The following SOX6 variants were observed in gnomAD, a reference collection of about 807,000 sequenced individuals.
SOX6 encodes the protein transcription factor SOX-6.
SOX6 carries 11 observed loss-of-function variants against 97.8 expected under a neutral mutation model. That is an observed-to-expected ratio of 0.11 (90% CI 0.07 to 0.19). The LOEUF (loss-of-function observed/expected upper bound fraction) is 0.19, where lower values mean the gene tolerates loss of function less well. Among genes scored for constraint, SOX6 ranks in the 10% least tolerant of loss-of-function variants. The pLI is 1.00. For missense variants in SOX6, 810 were observed against 1,039.5 expected, an observed-to-expected ratio of 0.78 and a Z score of 3.04; for synonymous variants, 360 against 371.4, an observed-to-expected ratio of 0.97 and a Z score of 0.35.
chr11:16,640,953 T>A (rs1848901453), intron 3 of SOX6, among the ~76,000 whole-genome samples: 1 of 152,178 alleles, frequency 6.6e-6, no homozygotes, highest in African/African-American at 2.4e-5. Flanking sequence ...TTCTGCTAGC[T>A]TTTGAATTTG....
intron 13 of SOX6, among the ~76,000 whole-genome samples, chr11:16,006,102 T>A (rs566136754): frequency 6.6e-6 from 1 of 152,040 alleles, no homozygotes; most frequent in Non-Finnish European, 1.5e-5. Context: ...TTATTTCTAG[T>A]ATGCGTTTGA....
intron 3 of SOX6, among the ~76,000 whole-genome samples, chr11:16,665,254 C>A (rs927135033): frequency 3.9e-5 from 6 of 152,036 alleles, no homozygotes; most frequent in African/African-American, 1.4e-4. Context: ...GTCCCCAGTT[C>A]CCAGCCTTTG....
intron 9 of SOX6, among the ~76,000 whole-genome samples, chr11:16,080,704 G>A (rs1052645626): frequency 2.0e-5 from 3 of 152,074 alleles, no homozygotes; most frequent in East Asian, 1.9e-4. Context: ...CTCACAGCAC[G>A]GATGGGAAGA....
chr11:16,626,831 A>G (rs978497119), intron 3 of SOX6, among the ~76,000 whole-genome samples: 1 of 152,024 alleles, frequency 6.6e-6, no homozygotes, highest in African/African-American at 2.4e-5. Flanking sequence ...ATTTTTTCCA[A>G]CTTTTATTTT....
chr11:16,212,092 T>A (rs75463354), intron 4 of SOX6, among the ~76,000 whole-genome samples: 1 of 152,158 alleles, frequency 6.6e-6, no homozygotes, highest in Non-Finnish European at 1.5e-5. Context: ...ACCCATCCTG[T>A]GACAAGAAGT....
chr11:16,569,875 A>AAAAAAAAAAAAAAAAAAAAAAAAAG (rs1847919000), intron 4 of SOX6, among the ~76,000 whole-genome samples: 1 of 151,306 alleles, frequency 6.6e-6, no homozygotes, highest in African/African-American at 2.4e-5. Flanking sequence ...TCTCAAAAAA[A>AAAAAAAAAAAAAAAAAAAAAAAAAG]AAAAAAAAAA....
chr11:16,603,783 G>T (rs1848299335), intron 4 of SOX6, among the ~76,000 whole-genome samples: 1 of 151,920 alleles, frequency 6.6e-6, no homozygotes. Context: ...TTGAACAGCC[G>T]AAAAATAAGA....
intron 6 of SOX6, among the ~76,000 whole-genome samples, chr11:16,135,140 T>C (rs1326910982): frequency 6.6e-6 from 1 of 152,192 alleles, no homozygotes; most frequent in African/African-American, 2.4e-5. Context: ...TTAAGCCTAC[T>C]GTTGAGACCT....
chr11:16,229,628 T>A (rs1230654141), intron 4 of SOX6, among the ~76,000 whole-genome samples: 3 of 151,928 alleles, frequency 2.0e-5, no homozygotes, highest in African/African-American at 2.4e-5. Flanking sequence ...AAATAAAATA[T>A]GTATATGAAG....
intron 3 of SOX6, among the ~76,000 whole-genome samples, chr11:16,704,532 T>C (rs960813578): frequency 3.9e-5 from 6 of 152,182 alleles, no homozygotes; most frequent in Non-Finnish European, 8.8e-5. Flanking sequence ...TATGCTCACA[T>C]TGATGTCAGA....
intron 1 of SOX6, among the ~76,000 whole-genome samples, chr11:16,466,634 A>AAAAC (rs906971223): frequency 6.6e-6 from 1 of 151,674 alleles, no homozygotes; most frequent in East Asian, 1.9e-4. Context: ...AAGAAAAAAA[A>AAAAC]AAACAAACAA....
intron 3 of SOX6, among the ~76,000 whole-genome samples, chr11:16,618,101 G>A (rs185975121): frequency 1.8e-4 from 27 of 151,972 alleles, no homozygotes; most frequent in African/African-American, 6.3e-4. Context: ...GAGATATTCT[G>A]TTGACATTAA....
intron 4 of SOX6, among the ~76,000 whole-genome samples, chr11:16,594,774 T>G (rs1372481786): frequency 8.0e-6 from 1 of 125,372 alleles, no homozygotes; most frequent in Non-Finnish European, 1.6e-5. Context: ...CACTGCAAGC[T>G]CCGCCTGCCG....
At chr11:16,472,483 T>C (rs1208290438) in intron 1 of SOX6, among the ~76,000 whole-genome samples, 1 of 152,170 alleles carries the variant, frequency 6.6e-6, no homozygotes, top group Non-Finnish European at 1.5e-5. Flanking sequence ...CTCACCACAA[T>C]ACCTTGCATA....
chr11:16,669,835 C>T (rs1257839413), intron 3 of SOX6, among the ~76,000 whole-genome samples: 1 of 152,138 alleles, frequency 6.6e-6, no homozygotes, highest in East Asian at 1.9e-4. Context: ...CACCCTGCCC[C>T]CACCTGATCA....
intron 15 of SOX6, among the ~76,000 whole-genome samples, chr11:15,984,142 A>G (rs907551293): frequency 2.0e-5 from 3 of 152,178 alleles, no homozygotes; most frequent in Non-Finnish European, 4.4e-5. Flanking sequence ...TATATCTAAA[A>G]TCCTAGTATA....
rs551726800 is a variant in SOX6, at chr11:16,610,447, G to A, written n.609+1634C>T. On this transcript the variant is annotated intron_variant and non_coding_transcript_variant, in intron 4 of 5. Coordinates refer to the SOX6 transcript ENST00000524520. This position sits in a 1 kb window ranked among gnomAD's most constrained non-coding sequence, Gnocchi z 4.4. ...TCTGGTGGGCAAGACTGACCCTGCC[G>A]ACCAGATGCAGGCCGCTAGCGGGAG... 5.9e-5 allele frequency among the ~76,000 whole-genome samples: 9 copies of A among 152,242 alleles called. No individual in the cohort carries two copies. The highest frequency in any genetic ancestry group is 1.9e-4 in the African/African-American group (8 of 41,534).
At chr11:16,152,137 G>C (rs532853438) in intron 6 of SOX6, among the ~76,000 whole-genome samples, 1 of 152,260 alleles carries the variant, frequency 6.6e-6, no homozygotes, top group African/African-American at 2.4e-5. Context: ...CACCCACACA[G>C]TTTGCTTTTT....
intron 4 of SOX6, among the ~76,000 whole-genome samples, chr11:16,580,026 T>G (rs1848018073): frequency 6.6e-6 from 1 of 152,154 alleles, no homozygotes; most frequent in Non-Finnish European, 1.5e-5. Flanking sequence ...TTACTAATTA[T>G]AAAACAGAAT....
Sources: allele counts gnomAD v4.1 joint callset (sites outside exome capture counted in the v4.1 genomes callset), GRCh38; gene constraint gnomAD v4.1.1; non-coding constraint Gnocchi (gnomAD v3.1); transcripts MANE v1.5; gene names NCBI Gene and HGNC (gene_info 2026-07-23, HGNC 2026-07-21).